ANKRD31: variants seen among roughly 807,000 people sequenced by gnomAD.
ANKRD31 encodes ankyrin repeat domain-containing protein 31.
Under a neutral mutation model 186.0 loss-of-function variants are expected in ANKRD31, and 147 were observed. That is an observed-to-expected ratio of 0.79 (90% CI 0.69 to 0.91). The LOEUF is 0.91. ANKRD31 is among the 40% of genes least tolerant of loss of function. The pLI, the probability that ANKRD31 is intolerant of heterozygous loss-of-function variation, is 0.00. For missense variants in ANKRD31, 1,986 were observed against 2,148.8 expected, an observed-to-expected ratio of 0.92 and a Z score of 1.50; for synonymous variants, 673 against 736.4, an observed-to-expected ratio of 0.91 and a Z score of 1.39.
chr5:75,234,775 T>C (rs537230964), intron 1 of ANKRD31, among the ~76,000 whole-genome samples: 1 of 152,312 alleles, frequency 6.6e-6, no homozygotes, highest in East Asian at 1.9e-4. Context: ...TATAATTATA[T>C]CTTTCTTCCT....
chr5:75,094,526 T>C (rs924792060), intron 22 of ANKRD31, among the ~76,000 whole-genome samples: 1 of 151,772 alleles, frequency 6.6e-6, no homozygotes, highest in African/African-American at 2.4e-5. Context: ...CAAGCACAAC[T>C]CAAAAAATAT....
chr5:75,141,734 T>TC (rs1350055954), intron 15 of ANKRD31, among the ~76,000 whole-genome samples: 1 of 151,858 alleles, frequency 6.6e-6, no homozygotes, highest in African/African-American at 2.4e-5. Context: ...GCCTGGGAGG[T>TC]CAAGGCTGCA....
intron 9 of ANKRD31, among the ~76,000 whole-genome samples, chr5:75,189,886 A>G (rs2150237686): frequency 6.6e-6 from 1 of 152,326 alleles, no homozygotes; most frequent in East Asian, 1.9e-4. Context: ...TGTTAATACA[A>G]TGAATTACAG....
rs374450924 is a variant in ANKRD31, at chr5:75,104,465, A to G, written c.5094T>C (p.Ala1698=). The G allele has an allele frequency of 6.5e-7, 1 of 1,537,130 alleles. No individual in the cohort carries two copies. The highest frequency in any genetic ancestry group is 8.7e-7 in the Non-Finnish European group (1 of 1,146,924). The change falls in exon 22 of 26, where the codon GCT becomes GCC. Residue 1698 remains alanine (A), a synonymous_variant. Transcript: ENST00000506364. ...GATGCACTGTATCACTGCCTAAGAC[A>G]GCAATCCCTTGATGTGCCAGAGATT... The part of the protein sequence containing the change: ...ASESLAHQGI[A]VLGSDTVHQM...
chr5:75,172,362 AT>A (rs1025822851), intron 10 of ANKRD31, among the ~76,000 whole-genome samples: 4 of 114,450 alleles, frequency 3.5e-5, no homozygotes, highest in African/African-American at 1.3e-4. Context: ...CATAAACTCT[AT>A]TTAAAAAAAA....
intron 11 of ANKRD31, among the ~76,000 whole-genome samples, chr5:75,155,197 T>C (rs1041476493): frequency 3.3e-5 from 5 of 152,110 alleles, no homozygotes; most frequent in Admixed American, 6.6e-5. Context: ...TGTTCTATTA[T>C]TTTTTCCTGA....
intron 17 of ANKRD31, among the ~76,000 whole-genome samples, chr5:75,126,509 CA>C (rs1749270151): frequency 6.6e-6 from 1 of 152,096 alleles, no homozygotes; most frequent in South Asian, 2.1e-4. Flanking sequence ...GGGTCCCTTC[CA>C]GTTAGAGACT....
Position 75,169,024 on chromosome 5 carries a change from G to T in ANKRD31, c.1662C>A (p.Tyr554Ter). The T allele has an allele frequency of 6.5e-7, 1 of 1,536,452 alleles. No individual in the cohort carries two copies. Among genetic ancestry groups the T allele is most frequent in the Non-Finnish European group, 8.7e-7 (1 of 1,146,338 alleles). ...GGADVNIKGL[Y>*]QITPLHDAVM... ...CTGCATCATGTAGGGGAGTAATCTG[G>T]TATAATCCTTTGATATTTACATCTG... The change falls in exon 11 of 26, where the codon TAC becomes TAA. Residue 554 changes from tyrosine (Y) to a stop codon, truncating the protein, a stop_gained. Coordinates refer to ENST00000506364, the MANE Select transcript of ANKRD31 (RefSeq NM_001372053.1). LOFTEE classifies it high-confidence loss of function.
At chr5:75,096,871 T>C (rs1003713006) in intron 22 of ANKRD31, among the ~76,000 whole-genome samples, 1 of 149,490 alleles carries the variant, frequency 6.7e-6, no homozygotes, top group African/African-American at 2.5e-5. Context: ...TCAAGTGTTC[T>C]CACTGTTCAA....
intron 18 of ANKRD31, among the ~76,000 whole-genome samples, chr5:75,116,934 T>C (rs1748333121): frequency 6.6e-6 from 1 of 152,108 alleles, no homozygotes; most frequent in Admixed American, 6.6e-5. Context: ...AAGTAGGTAG[T>C]TTATTATATC....
chr5:75,107,609 T>A lies in ANKRD31; in HGVS notation c.4252A>T (p.Ile1418Phe). Residue 1418 changes from isoleucine (I) to phenylalanine (F), a missense_variant, in exon 21 of 26, where the codon ATT (isoleucine) becomes TTT (phenylalanine). Physicochemically the swap from Ile to Phe is conservative, Grantham distance 21. Transcript: ENST00000506364. ...IRNPEDAEQY[I>F]EKMLKIKKIM... Reference sequence around the variant, plus strand: ...TTTTTTATCTTTAACATCTTTTCAATGTATTGTTCTAGAAACATGACAATA... The same window carrying A: ...TTTTTTATCTTTAACATCTTTTCAAAGTATTGTTCTAGAAACATGACAATA... The A allele has an allele frequency of 6.6e-7, 1 of 1,512,120 alleles. No homozygotes were observed. Among genetic ancestry groups the A allele is most frequent in the Non-Finnish European group, 8.8e-7 (1 of 1,132,702 alleles). The allele number at this position is 1,512,120 out of a possible 1,614,324, so 93.7% of individuals were successfully genotyped here. A position where few individuals can be genotyped will look rare whatever the true frequency, so the allele number is the denominator to read the frequency against.
chr5:75,157,497 G>T (rs1752266443), intron 11 of ANKRD31, among the ~76,000 whole-genome samples: 1 of 152,196 alleles, frequency 6.6e-6, no homozygotes, highest in Non-Finnish European at 1.5e-5. Context: ...TGTCCATCAA[G>T]ATTGGAAAAG....
chr5:75,074,550 T>G (rs977156128), intron 25 of ANKRD31, among the ~76,000 whole-genome samples: 8 of 152,246 alleles, frequency 5.3e-5, no homozygotes, highest in Middle Eastern at 3.4e-3. Context: ...AACACACACA[T>G]AGAGAAATCT....
chr5:75,177,280 G>A (rs1162010873), intron 10 of ANKRD31, among the ~76,000 whole-genome samples: 1 of 152,174 alleles, frequency 6.6e-6, no homozygotes, highest in African/African-American at 2.4e-5. Context: ...AAGTGACAGG[G>A]AGAATGGAAC....
chr5:75,176,578 T>A (rs931129079), intron 10 of ANKRD31, among the ~76,000 whole-genome samples: 7 of 152,168 alleles, frequency 4.6e-5, no homozygotes, highest in African/African-American at 1.7e-4. Flanking sequence ...GGTTCACCAA[T>A]ATCCGCTCTT....
At chr5:75,084,631 G>A (rs886978228) in intron 23 of ANKRD31, among the ~76,000 whole-genome samples, 3 of 152,034 alleles carry the variant, frequency 2.0e-5, no homozygotes, top group African/African-American at 4.8e-5. Context: ...CAGACCACAC[G>A]TCCATGAAGC....
intron 3 of ANKRD31, among the ~76,000 whole-genome samples, chr5:75,219,566 C>T (rs1254854269): frequency 5.9e-5 from 9 of 152,090 alleles, no homozygotes; most frequent in African/African-American, 9.7e-5. Flanking sequence ...GACTCAATAT[C>T]GTTAAAATGG....
chr5:75,128,650 C>A (rs1561450586), intron 17 of ANKRD31, among the ~76,000 whole-genome samples: 1 of 150,078 alleles, frequency 6.7e-6, no homozygotes, highest in Non-Finnish European at 1.5e-5. Flanking sequence ...ACTACAGGCA[C>A]CTGCCATCAT....
intron 25 of ANKRD31, 41 bp from the exon 26 acceptor site, chr5:75,068,705 A>G: frequency 1.4e-6 from 2 of 1,451,940 alleles, no homozygotes; most frequent in Non-Finnish European, 1.8e-6. Flanking sequence ...CTGCCCTCTG[A>G]AATTTAAGAT....
Sources: gnomAD v4.1 joint callset for allele counts (sites outside exome capture counted in the v4.1 genomes callset) on GRCh38, gnomAD v4.1.1 for gene constraint, MANE v1.5 for transcripts, NCBI Gene and HGNC (gene_info 2026-07-23, HGNC 2026-07-21) for gene names.